Variants in CACNA1C observed in about 807,000 individuals in gnomAD.
The protein encoded by CACNA1C is voltage-dependent L-type calcium channel subunit alpha-1C.
Under a neutral mutation model 229.0 loss-of-function variants are expected in CACNA1C, and 30 were observed. The observed-to-expected ratio is 0.13, with a 90% CI of 0.10 to 0.18. The LOEUF is 0.18. CACNA1C is among the 10% of genes least tolerant of loss of function. CACNA1C has a pLI of 1.00. For missense variants in CACNA1C, 1,658 were observed against 2,845.0 expected (o/e 0.58, Z 9.49); for synonymous variants, 1,114 against 1,132.5 (o/e 0.98, Z 0.33).
intron 3 of CACNA1C, among the ~76,000 whole-genome samples, chr12:2,411,030 A>G (rs2098801752): frequency 6.6e-6 from 1 of 152,090 alleles, no homozygotes; most frequent in South Asian, 2.1e-4. Flanking sequence ...CAGAGAGGCC[A>G]GTTCTGCCTC....
chr12:2,344,097 G>T (rs1223664527), intron 3 of CACNA1C, among the ~76,000 whole-genome samples: 1 of 152,116 alleles, frequency 6.6e-6, no homozygotes, highest in Non-Finnish European at 1.5e-5. Flanking sequence ...ACGGAATTAG[G>T]TTACCAAAGA....
chr12:2,117,607 G>A (rs1057030692), intron 2 of CACNA1C, among the ~76,000 whole-genome samples: 2 of 152,224 alleles, frequency 1.3e-5, no homozygotes, highest in South Asian at 4.1e-4. Flanking sequence ...CCCTGACCCC[G>A]AAGTCCATGC....
chr12:2,122,360 C>G (rs1451365840), intron 3 of CACNA1C, among the ~76,000 whole-genome samples: 1 of 152,176 alleles, frequency 6.6e-6, no homozygotes, highest in Admixed American at 6.5e-5. Flanking sequence ...TTCTCATTCT[C>G]TGCATTCCAC....
intron 3 of CACNA1C, among the ~76,000 whole-genome samples, chr12:2,414,330 A>T (rs1024197388): frequency 1.9e-4 from 29 of 152,182 alleles, no homozygotes; most frequent in African/African-American, 6.8e-4. Context: ...CAAACTTCCC[A>T]TTCCTTTTGT....
rs553415433 is a variant in CACNA1C at position 2,535,765 on chromosome 12, G to A, written c.1391-14178G>A. 5.2e-5 allele frequency among the ~76,000 whole-genome samples: 7 copies of A among 134,644 alleles called. No homozygotes were observed. In the South Asian group the frequency reaches 1.7e-3, roughly 33 times the overall value. 88.3% of individuals were successfully genotyped at this position (134,644 alleles called of 152,430 possible). A position where few individuals can be genotyped will look rare whatever the true frequency, so the allele number is the denominator to read the frequency against. The stretch of plus-strand genomic sequence containing the variant: ...ACTAAAACAACACATAAAGTAGCCA[G>A]ATGGACCAAAGACTCTGTCTGCCCC... On this transcript the variant is annotated intron_variant, in intron 9 of 46. Coordinates refer to ENST00000399655, the MANE Select transcript of CACNA1C (RefSeq NM_000719.7).
chr12:2,263,966 G>A (rs987263840), intron 3 of CACNA1C, among the ~76,000 whole-genome samples: 4 of 152,136 alleles, frequency 2.6e-5, no homozygotes, highest in South Asian at 2.1e-4. Context: ...GTCCTGCCTC[G>A]GAGATCAAAT....
chr12:2,502,241 G>A (rs4765950), intron 7 of CACNA1C, among the ~76,000 whole-genome samples: 12,375 of 152,306 alleles, frequency 0.081, 591 homozygotes, highest in Middle Eastern at 0.19. Flanking sequence ...ACAGTACCTA[G>A]CACATATCAG....
At chr12:2,561,197 G>A (rs1485864976) in intron 11 of CACNA1C, among the ~76,000 whole-genome samples, 1 of 152,218 alleles carries the variant, frequency 6.6e-6, no homozygotes, top group Non-Finnish European at 1.5e-5. Flanking sequence ...TCCTTCGTGG[G>A]TCTTGTGAGC....
intron 3 of CACNA1C, among the ~76,000 whole-genome samples, chr12:2,273,238 G>A (rs923936142): frequency 6.6e-6 from 1 of 152,032 alleles, no homozygotes; most frequent in Non-Finnish European, 1.5e-5. Flanking sequence ...TACCTAATAC[G>A]GTGTAAGTGC....
At chr12:1,986,274 T>G (rs2037753592) in intron 1 of CACNA1C, among the ~76,000 whole-genome samples, 2 of 152,156 alleles carry the variant, frequency 1.3e-5, no homozygotes, top group Non-Finnish European at 2.9e-5. Flanking sequence ...TTGCATGAGT[T>G]CCTAGACAGA....
Position 2,504,318 on chromosome 12 carries a change from G to T in CACNA1C, c.1114-524G>T. Reference sequence around the variant, plus strand: ...GTAACACGGGTAACCTGGTGCACATGAACAAAGCCCACGTTCAGCCCCGTC... The same window carrying T: ...GTAACACGGGTAACCTGGTGCACATTAACAAAGCCCACGTTCAGCCCCGTC... On this transcript the variant is annotated intron_variant, in intron 7 of 46. Transcript: ENST00000399655. The surrounding 1 kb of genome is among the most constrained non-coding windows in gnomAD (Gnocchi z 6.8). The T allele has an allele frequency of 1.5e-6, 1 of 669,482 alleles. No individual in the cohort carries two copies. The highest frequency in any genetic ancestry group is 1.8e-5 in the South Asian group (1 of 56,178). The allele number at this position is 669,482 out of a possible 1,614,324, so 41.5% of individuals were successfully genotyped here.
intron 1 of CACNA1C, among the ~76,000 whole-genome samples, chr12:2,076,437 T>C (rs1356714159): frequency 1.3e-5 from 2 of 152,036 alleles, no homozygotes; most frequent in Non-Finnish European, 2.9e-5. Context: ...CTCACATGGG[T>C]CTGCTGCTTT....
intron 3 of CACNA1C, among the ~76,000 whole-genome samples, chr12:2,135,912 G>A (rs1388828645): frequency 1.3e-5 from 2 of 149,182 alleles, no homozygotes; most frequent in Non-Finnish European, 3.0e-5. Context: ...CAGCCTCGCT[G>A]CCGCCTTGCA....
chr12:2,351,127 G>T (rs1353888216), intron 3 of CACNA1C, among the ~76,000 whole-genome samples: 1 of 152,176 alleles, frequency 6.6e-6, no homozygotes, highest in East Asian at 1.9e-4. Flanking sequence ...TTTGGGGATG[G>T]ATAATTCTTT....
Position 2,217,672 on chromosome 12 carries a change from A to G in CACNA1C, c.477+97242A>G, listed in dbSNP as rs1431142613. On this transcript the variant is annotated intron_variant, in intron 3 of 46. Coordinates refer to ENST00000399655, the MANE Select transcript of CACNA1C (RefSeq NM_000719.7). ...TTTGGTTTAATCCTTATTTCTTGACAGAGATGGTTCCATCTCAAGGGTGGA... is the reference window on the plus strand; with the variant it reads ...TTTGGTTTAATCCTTATTTCTTGACGGAGATGGTTCCATCTCAAGGGTGGA... The G allele has an allele frequency of 2.0e-5, 3 of 152,168 alleles. No individual in the cohort carries two copies. In the East Asian group the frequency reaches 5.8e-4, roughly 29 times the overall value. The allele number at this position is 152,168 out of a possible 1,614,324, so 9.4% of individuals were successfully genotyped here.
rs2097850463 is a variant in CACNA1C at position 2,697,481 on chromosome 12, T to C, written c.*6282T>C. The C allele has an allele frequency of 6.6e-6, 1 of 152,324 alleles. No individual in the cohort carries two copies. The highest frequency in any genetic ancestry group is 2.1e-4 in the South Asian group (1 of 4,822). The allele number at this position is 152,324 out of a possible 1,614,324, so 9.4% of individuals were successfully genotyped here. A position where few individuals can be genotyped will look rare whatever the true frequency, so the allele number is the denominator to read the frequency against. Reference sequence around the variant, plus strand: ...GCTACCATGCAAAACTTTCCTCCTGTGAAACGCTCCAGATAAAGCTCCTCT... The same window carrying C: ...GCTACCATGCAAAACTTTCCTCCTGCGAAACGCTCCAGATAAAGCTCCTCT... On this transcript the variant is annotated 3_prime_UTR_variant, in exon 47 of 47. Coordinates refer to ENST00000399655, the MANE Select transcript of CACNA1C (RefSeq NM_000719.7).
In CACNA1C at chr12:2,287,629, C is replaced by G. The variant is rs886118571; in HGVS notation, c.478-161347C>G. 2.6e-5 allele frequency among the ~76,000 whole-genome samples: 4 copies of G among 152,176 alleles called. No individual in the cohort carries two copies. The highest frequency in any genetic ancestry group is 1.3e-4 in the Admixed American group (2 of 15,282). On this transcript the variant is annotated intron_variant, in intron 3 of 46. Coordinates refer to ENST00000399655, the MANE Select transcript of CACNA1C (RefSeq NM_000719.7). This position sits in a 1 kb window ranked among gnomAD's most constrained non-coding sequence, Gnocchi z 4.6. The stretch of plus-strand genomic sequence containing the variant: ...ATCCCTGGCCACACATAAGAATCAT[C>G]TGGGATCATTTAACAAAAAACAATG...
intron 3 of CACNA1C, among the ~76,000 whole-genome samples, chr12:2,187,290 C>T (rs752845869): frequency 3.3e-5 from 5 of 152,182 alleles, no homozygotes; most frequent in African/African-American, 7.2e-5. Flanking sequence ...AGTCGAGGCT[C>T]GGAGTTCTAA....
chr12:2,052,028 A>G (rs551939610), upstream of CACNA1C, among the ~76,000 whole-genome samples: 12 of 152,268 alleles, frequency 7.9e-5, 2 homozygotes, highest in South Asian at 2.5e-3. Context: ...GAAAGGGATC[A>G]CGAAGCCCCA....
Sources: gnomAD v4.1 joint callset for allele counts (sites outside exome capture counted in the v4.1 genomes callset) on GRCh38, gnomAD v4.1.1 for gene constraint, Gnocchi (gnomAD v3.1) non-coding constraint, MANE v1.5 for transcripts, NCBI Gene and HGNC (gene_info 2026-07-23, HGNC 2026-07-21) for gene names.